The following MARCHF1 variants were observed in gnomAD, a reference collection of about 807,000 sequenced individuals.
MARCHF1 encodes the protein E3 ubiquitin-protein ligase MARCHF1.
A neutral mutation model predicts 54.2 loss-of-function variants in MARCHF1; 40 were observed. The ratio of observed to expected loss-of-function variants is 0.74; its 90% CI spans 0.57 to 0.96. The LOEUF (loss-of-function observed/expected upper bound fraction) is 0.96. Among genes scored for constraint, MARCHF1 ranks in the 40% least tolerant of loss-of-function variants. The pLI is 0.00. For synonymous variants in MARCHF1, 236 were observed against 236.3 expected, an observed-to-expected ratio of 1.00 and a Z score of 0.01; for missense variants, 586 against 656.5, an observed-to-expected ratio of 0.89 and a Z score of 1.17.
chr4:163,967,884 T>G (rs1470452565), intron 3 of MARCHF1, among the ~76,000 whole-genome samples: 1 of 152,116 alleles, frequency 6.6e-6, no homozygotes, highest in African/African-American at 2.4e-5. Flanking sequence ...GGCTGGTCTT[T>G]TTGCTGTATT....
At chr4:163,809,900 T>C (rs967777557) in intron 4 of MARCHF1, among the ~76,000 whole-genome samples, 30 of 152,176 alleles carry the variant, frequency 2.0e-4, no homozygotes. Context: ...TTTATCATCT[T>C]ATACTATAAT....
In MARCHF1 at chr4:163,619,814, TTTAA is replaced by T. The variant is rs563373740; in HGVS notation, c.163-6425_163-6422del. Among the ~76,000 whole-genome samples the T allele has an allele frequency of 1.1e-3, 164 of 152,212 alleles. 2 individuals are homozygous for T. Among genetic ancestry groups the T allele is most frequent in the South Asian group, 6.2e-3 (30 of 4,822 alleles). The stretch of plus-strand genomic sequence containing the variant: ...AAGTATGAGAAAAACATAATTTATG[TTTAA>T]TTAATGTTTATAATAGGTGGAAAAA... On this transcript the variant is annotated intron_variant, in intron 5 of 9. Transcript: ENST00000514618.
intron 1 of MARCHF1, among the ~76,000 whole-genome samples, chr4:164,266,316 A>C (rs1300320774): frequency 1.3e-5 from 2 of 152,190 alleles, no homozygotes; most frequent in Non-Finnish European, 2.9e-5. Flanking sequence ...TCTTGTCCAA[A>C]TTGTTACTAA....
At chr4:164,312,185 C>A (rs1457293675) in intron 1 of MARCHF1, among the ~76,000 whole-genome samples, 1 of 152,088 alleles carries the variant, frequency 6.6e-6, no homozygotes, top group Admixed American at 6.5e-5. Context: ...ATTCAAATTA[C>A]AGAGAACAGA....
intron 5 of MARCHF1, among the ~76,000 whole-genome samples, chr4:163,648,690 GAGA>G (rs144396737): frequency 0.017 from 2,536 of 149,494 alleles, 80 homozygotes; most frequent in African/African-American, 0.054. Flanking sequence ...AATTATCATG[GAGA>G]AGAAGAAGGA....
At position 163,669,877 on chromosome 4, in the gene MARCHF1, T is replaced by A. The variant is rs918431305; in HGVS notation, c.162+30936A>T. Among the ~76,000 whole-genome samples, 13 of 151,912 alleles carry A rather than the reference T, an allele frequency of 8.6e-5. No individual in the cohort carries two copies. In the East Asian group the frequency reaches 2.5e-3, roughly 29 times the overall value. On this transcript the variant is annotated intron_variant, in intron 5 of 9. Coordinates refer to ENST00000514618, the MANE Select transcript of MARCHF1 (RefSeq NM_001394959.1). ...CCTCCCAAAGTGCTGACATTACAGG[T>A]GTGAGCCACCGCTCCCGGCCTGAGA...
chr4:164,255,047 G>T (rs1171160881), intron 1 of MARCHF1, among the ~76,000 whole-genome samples: 1 of 152,132 alleles, frequency 6.6e-6, no homozygotes, highest in East Asian at 1.9e-4. Context: ...GCCCAGCCAT[G>T]AATGTTATAG....
At chr4:164,197,478 T>C (rs753912667) in intron 1 of MARCHF1, 8 of 1,613,570 alleles carry the variant, frequency 5.0e-6, no homozygotes, top group Non-Finnish European at 6.8e-6. Context: ...TTTCTGCCAA[T>C]ACTTCCAGGC....
intron 3 of MARCHF1, among the ~76,000 whole-genome samples, chr4:163,987,734 A>G (rs1328330655): frequency 6.6e-6 from 1 of 152,212 alleles, no homozygotes; most frequent in Non-Finnish European, 1.5e-5. Context: ...AACATTTATG[A>G]TATTTCCACT....
chr4:163,983,704 G>A (rs1466573175), intron 3 of MARCHF1, among the ~76,000 whole-genome samples: 1 of 152,118 alleles, frequency 6.6e-6, no homozygotes, highest in Non-Finnish European at 1.5e-5. Flanking sequence ...GTGTGACATT[G>A]GCAAACTCTT....
chr4:164,151,539 C>G (rs1254385821), intron 1 of MARCHF1, among the ~76,000 whole-genome samples: 4 of 152,082 alleles, frequency 2.6e-5, no homozygotes, highest in Admixed American at 1.3e-4. Flanking sequence ...AGAAATTGTG[C>G]TCAGAATTGG....
At chr4:163,605,990 G>T (rs1255341764) in intron 7 of MARCHF1, among the ~76,000 whole-genome samples, 5 of 152,024 alleles carry the variant, frequency 3.3e-5, no homozygotes, top group African/African-American at 1.2e-4. Context: ...AACCACCATG[G>T]CACGTTTATA....
intron 1 of MARCHF1, among the ~76,000 whole-genome samples, chr4:164,208,962 GTCTC>G (rs149750429): frequency 1.3e-4 from 19 of 149,336 alleles, no homozygotes; most frequent in Non-Finnish European, 2.1e-4. Context: ...CTGTCTGTCT[GTCTC>G]TCTCTCTCTC....
In MARCHF1 at chr4:163,528,600, T is replaced by C; in HGVS notation, c.*148A>G. 1 of 786,556 alleles carries C rather than the reference T, an allele frequency of 1.3e-6. No individual in the cohort carries two copies. Among genetic ancestry groups the C allele is most frequent in the Non-Finnish European group, 2.0e-6 (1 of 506,172 alleles). 48.7% of individuals were successfully genotyped at this position (786,556 alleles called of 1,614,324 possible). On this transcript the variant is annotated 3_prime_UTR_variant, in exon 10 of 10. Coordinates refer to ENST00000514618, the MANE Select transcript of MARCHF1 (RefSeq NM_001394959.1). ...GCATTTGGTCTGTTTGTTTTTCTCC[T>C]TTCCTCTTTGAACAAAGTCAGGAAA...
intron 3 of MARCHF1, among the ~76,000 whole-genome samples, chr4:163,986,246 CTTCTTT>C (rs1752861809): frequency 6.8e-5 from 5 of 73,758 alleles, no homozygotes; most frequent in Non-Finnish European, 1.4e-4. Context: ...TAATTAACCT[CTTCTTT>C]TTTTTTTTTT....
intron 1 of MARCHF1, among the ~76,000 whole-genome samples, chr4:164,253,261 T>G (rs1156387999): frequency 6.6e-6 from 1 of 152,140 alleles, no homozygotes; most frequent in Non-Finnish European, 1.5e-5. Flanking sequence ...AATCTTGAAA[T>G]AGTTCAACTT....
At chr4:164,107,044 G>A (rs1014592406) in intron 2 of MARCHF1, among the ~76,000 whole-genome samples, 3 of 152,190 alleles carry the variant, frequency 2.0e-5, no homozygotes, top group Non-Finnish European at 4.4e-5. Context: ...AAAACCTAAA[G>A]GAGAAAAATA....
At chr4:164,081,710 ACACACACACACACATG>A (rs376175445) in intron 2 of MARCHF1, among the ~76,000 whole-genome samples, 4,209 of 151,268 alleles carry the variant, frequency 0.028, 179 homozygotes, top group African/African-American at 0.097. Flanking sequence ...GCATGCATAT[ACACACACACACACATG>A]CACACACACA....
At chr4:163,651,615 T>A (rs2111071853) in intron 5 of MARCHF1, among the ~76,000 whole-genome samples, 1 of 151,678 alleles carries the variant, frequency 6.6e-6, no homozygotes, top group Admixed American at 6.6e-5. Context: ...TAGTCATACT[T>A]TAGTGGCATT....
Sources: allele counts gnomAD v4.1 joint callset (sites outside exome capture counted in the v4.1 genomes callset), GRCh38; gene constraint gnomAD v4.1.1; transcripts MANE v1.5; gene names NCBI Gene and HGNC (gene_info 2026-07-23, HGNC 2026-07-21).